Variants in PRKAA1 observed in about 807,000 individuals in gnomAD.
The protein encoded by PRKAA1 is 5'-AMP-activated protein kinase catalytic subunit alpha-1.
PRKAA1 carries 23 observed loss-of-function variants against 56.9 expected under a neutral mutation model. The ratio of observed to expected loss-of-function variants is 0.40; its 90% confidence interval spans 0.29 to 0.57. The LOEUF (loss-of-function observed/expected upper bound fraction) is 0.57, where lower values mean the gene tolerates loss of function less well. Among genes scored for constraint, PRKAA1 ranks in the 20% least tolerant of loss-of-function variants. The pLI is 0.39. For synonymous variants in PRKAA1, 226 were observed against 227.0 expected, an observed-to-expected ratio of 1.00 and a Z score of 0.04; for missense variants, 413 against 679.7, an observed-to-expected ratio of 0.61 and a Z score of 4.36.
chr5:40,785,677 A>C (rs531259461), intron 1 of PRKAA1, among the ~76,000 whole-genome samples: 16 of 152,180 alleles, frequency 1.1e-4, no homozygotes, highest in Non-Finnish European at 2.2e-4. Context: ...CACAAAATCT[A>C]TGTCAACCCA....
chr5:40,797,020 T>C (rs1015817111), intron 1 of PRKAA1, among the ~76,000 whole-genome samples: 5 of 152,228 alleles, frequency 3.3e-5, no homozygotes, highest in Non-Finnish European at 7.3e-5. Context: ...AATTAAACGT[T>C]TTTTTGCCAG....
rs1554031839 is a variant in PRKAA1, at chr5:40,774,549, A to ACTTTTTTT, written c.363+860_363+861insAAAAAAAG. Among the ~76,000 whole-genome samples, 8 of 125,084 alleles carry ACTTTTTTT rather than the reference A, an allele frequency of 6.4e-5. 3 individuals are homozygous for ACTTTTTTT. The highest frequency in any genetic ancestry group is 8.4e-5 in the Non-Finnish European group (5 of 59,366). The allele number at this position is 125,084 out of a possible 152,430, so 82.1% of individuals were successfully genotyped here. A position where few individuals can be genotyped will look rare whatever the true frequency, so the allele number is the denominator to read the frequency against. ...CCTGTTTCCCATTTCTCCAGGCAGA[A>ACTTTTTTT]TTTTTTTTTTTTTTTTTTTTTTGGT... On this transcript the variant is annotated intron_variant, in intron 3 of 8. Coordinates refer to ENST00000397128, the MANE Select transcript of PRKAA1 (RefSeq NM_006251.6).
Position 40,777,478 on chromosome 5 carries a change from A to G in PRKAA1, c.236T>C (p.Leu79Pro), listed in dbSNP as rs1290622927. The stretch of plus-strand genomic sequence containing the variant: ...TATATGAGGATGCCTGAAAAGCTTG[A>G]GGTTCTGAATTTCTCTGCGGATTTT... ...VGKIRREIQN[L>P]KLFRHPHIIK... The change falls in exon 2 of 9, where the codon CTC becomes CCC. Residue 79 changes from leucine (L) to proline (P), a missense_variant. Leu to Pro is a moderately conservative substitution (Grantham distance 98). This residue lies in a region of PRKAA1 where 16 missense variants were observed against 30.9 expected (regional missense o/e 0.52). Transcript: ENST00000397128. 1 of 1,613,392 alleles carries G rather than the reference A, an allele frequency of 6.2e-7. No homozygotes were observed. The highest frequency in any genetic ancestry group is 8.5e-7 in the Non-Finnish European group (1 of 1,179,458).
chr5:40,782,095 G>C (rs1744288137), intron 1 of PRKAA1, among the ~76,000 whole-genome samples: 1 of 152,064 alleles, frequency 6.6e-6, no homozygotes, highest in African/African-American at 2.4e-5. Context: ...AACAGGACTG[G>C]GAAATAGCCA....
chr5:40,797,968 G>C (rs866603121), intron 1 of PRKAA1, 95 bp downstream of exon 1: 2 of 1,526,556 alleles, frequency 1.3e-6, no homozygotes, highest in Non-Finnish European at 1.8e-6. Flanking sequence ...CTGGAAAGAA[G>C]GGACGCAGCG....
chr5:40,761,720 A>G lies in PRKAA1; in HGVS notation c.*1058T>C, dbSNP rs1422940426. On this transcript the variant is annotated 3_prime_UTR_variant, in exon 9 of 9. Transcript: ENST00000397128. ...AAGTAGCAATGTGTGCATATACTCA[A>G]TAATGACTGACATGATGGGCCAGAG... is the stretch of plus-strand genomic sequence containing the variant. 1.3e-5 allele frequency: 2 copies of G among 152,364 alleles called. No homozygotes were observed. The highest frequency in any genetic ancestry group is 4.8e-5 in the African/African-American group (2 of 41,460). The allele number at this position is 152,364 out of a possible 1,614,324, so 9.4% of individuals were successfully genotyped here. A position where few individuals can be genotyped will look rare whatever the true frequency, so the allele number is the denominator to read the frequency against.
rs146039170 is a variant in PRKAA1, at chr5:40,770,144, T to A, written c.509-641A>T. Among the ~76,000 whole-genome samples the A allele has an allele frequency of 6.6e-3, 1,001 of 152,138 alleles. 7 individuals are homozygous for A. Among genetic ancestry groups the A allele is most frequent in the African/African-American group, 0.021 (892 of 41,530 alleles). ...TATAGATATAGATACATAGATGTAG[T>A]CAAAACTGAGGAAAATTTTTATAAG... On this transcript the variant is annotated intron_variant, in intron 4 of 8. Coordinates refer to ENST00000397128, the MANE Select transcript of PRKAA1 (RefSeq NM_006251.6).
At chr5:40,774,836 G>A (rs1056319956) in intron 3 of PRKAA1, 2 of 1,027,230 alleles carry the variant, frequency 1.9e-6, no homozygotes, top group Non-Finnish European at 3.0e-6. Context: ...GCAGAGGGCA[G>A]TGTTGAGTTT....
At chr5:40,776,377 G>A (rs980431077) in intron 2 of PRKAA1, among the ~76,000 whole-genome samples, 7 of 152,202 alleles carry the variant, frequency 4.6e-5, no homozygotes, top group Non-Finnish European at 8.8e-5. Context: ...GTTCATTTTG[G>A]GCCGGGTTGA....
At position 40,789,126 on chromosome 5, in the gene PRKAA1, G is replaced by A. The variant is rs1446640988; in HGVS notation, c.127+8937C>T. On this transcript the variant is annotated intron_variant, in intron 1 of 8. Transcript: ENST00000397128. ...CTTGGGAGGCAGAGGTGGGAGGATC[G>A]CTTGAGCCCAGGAGGTCAAGGCTGC... Among the ~76,000 whole-genome samples, 8 of 151,638 alleles carry A rather than the reference G, an allele frequency of 5.3e-5. 1 individual carries two copies. Among genetic ancestry groups the A allele is most frequent in the Admixed American group, 1.3e-4 (2 of 15,226 alleles).
chr5:40,767,828 C>CAT, intron 5 of PRKAA1, 138 bp from the exon 6 acceptor site: 1 of 701,762 alleles, frequency 1.4e-6, no homozygotes, highest in South Asian at 2.0e-5. Flanking sequence ...CATGTTACAA[C>CAT]GTTAATTCCA....
At chr5:40,774,115 A>G (rs1263186487) in intron 3 of PRKAA1, among the ~76,000 whole-genome samples, 1 of 152,226 alleles carries the variant, frequency 6.6e-6, no homozygotes, top group African/African-American at 2.4e-5. Flanking sequence ...TATTCAAGCT[A>G]TGAGAAAACC....
chr5:40,780,324 G>A (rs558320780), intron 1 of PRKAA1, among the ~76,000 whole-genome samples: 3 of 152,204 alleles, frequency 2.0e-5, no homozygotes, highest in African/African-American at 7.2e-5. Flanking sequence ...AATTTCACAG[G>A]TCTCTTCCAC....
chr5:40,790,609 G>A (rs556023988), intron 1 of PRKAA1, among the ~76,000 whole-genome samples: 19 of 150,394 alleles, frequency 1.3e-4, no homozygotes, highest in Non-Finnish European at 2.7e-4. Flanking sequence ...GCACAATCTC[G>A]GCTCACTGCA....
chr5:40,769,506 G>GA lies in PRKAA1; in HGVS notation c.509-4dup. 6.2e-7 allele frequency: 1 copy of GA among 1,600,498 alleles called. No homozygotes were observed. ...ATCTGACATCATGTTTGAAAGACCT[G>GA]AAAGTGCACAAAATCAGCTACTCAA... On this transcript the variant is annotated splice_region_variant and splice_polypyrimidine_tract_variant and intron_variant, in intron 4 of 8. Coordinates refer to ENST00000397128, the MANE Select transcript of PRKAA1 (RefSeq NM_006251.6).
At chr5:40,764,483 T>C (rs748227044) in intron 8 of PRKAA1, 31 bp downstream of exon 8, 3 of 1,580,884 alleles carry the variant, frequency 1.9e-6, no homozygotes, top group Non-Finnish European at 2.6e-6. Context: ...TAACAAGGTC[T>C]AATCTATGTT....
intron 3 of PRKAA1, among the ~76,000 whole-genome samples, chr5:40,774,513 T>C (rs1743898198): frequency 6.7e-6 from 1 of 148,540 alleles, no homozygotes; most frequent in Non-Finnish European, 1.5e-5. Flanking sequence ...GAAAAATATA[T>C]ATCAATTGTG....
intron 1 of PRKAA1, among the ~76,000 whole-genome samples, chr5:40,796,615 T>C: frequency 6.6e-6 from 1 of 152,222 alleles, no homozygotes; most frequent in East Asian, 1.9e-4. Context: ...CATTTGCTTC[T>C]TACTTCCTCC....
At chr5:40,786,371 T>C (rs1010127530) in intron 1 of PRKAA1, among the ~76,000 whole-genome samples, 5 of 152,188 alleles carry the variant, frequency 3.3e-5, no homozygotes, top group Middle Eastern at 3.4e-3. Context: ...TCACCTCCAG[T>C]ACTGGCAAAG....
Sources: gnomAD v4.1 joint callset for allele counts (sites outside exome capture counted in the v4.1 genomes callset) on GRCh38, gnomAD v4.1.1 for gene constraint, gnomAD v4.1.1 regional missense constraint, MANE v1.5 for transcripts, NCBI Gene and HGNC (gene_info 2026-07-23, HGNC 2026-07-21) for gene names.